The following DAAM1 variants were observed in gnomAD, a reference collection of about 807,000 sequenced individuals.
DAAM1 encodes the protein disheveled-associated activator of morphogenesis 1.
In DAAM1, 52 loss-of-function variants were observed where a neutral mutation model predicts 130.0. That is an observed-to-expected ratio of 0.40 (90% CI 0.32 to 0.50). The LOEUF (loss-of-function observed/expected upper bound fraction) is 0.50. Ranked by LOEUF, DAAM1 falls within the 20% of genes least tolerant of loss-of-function variation. The probability of loss-of-function intolerance (pLI) is 0.61; values close to 1 mark genes in which losing one functional copy is unlikely to be tolerated. For synonymous variants in DAAM1, 452 were observed against 444.5 expected, an observed-to-expected ratio of 1.02 and a Z score of -0.21; for missense variants, 1,134 against 1,303.8, an observed-to-expected ratio of 0.87 and a Z score of 2.01.
At chr14:59,204,541 A>G (rs1429903605) in intron 1 of DAAM1, among the ~76,000 whole-genome samples, 1 of 152,238 alleles carries the variant, frequency 6.6e-6, no homozygotes, top group African/African-American at 2.4e-5. Flanking sequence ...TCTTTTGACC[A>G]TATAATGAAA....
chr14:59,277,851 CTGT>C lies in DAAM1; in HGVS notation c.184-13364_184-13362del, dbSNP rs1311119884. Among the ~76,000 whole-genome samples the C allele has an allele frequency of 3.9e-5, 6 of 152,246 alleles. No homozygotes were observed. The East Asian group carries it at 9.6e-4, about 24-fold the overall frequency. On this transcript the variant is annotated intron_variant, in intron 2 of 24. Transcript: ENST00000360909. ...TTTGTAATCATAGTGAAAAACCTGG[CTGT>C]TAACTCACAGATGATCTGGTACAGT...
chr14:59,229,574 G>A (rs1266217929), intron 1 of DAAM1, among the ~76,000 whole-genome samples: 6 of 152,160 alleles, frequency 3.9e-5, no homozygotes, highest in Non-Finnish European at 8.8e-5. Flanking sequence ...CTGGCCCTTT[G>A]TGTATTTATT....
intron 1 of DAAM1, among the ~76,000 whole-genome samples, chr14:59,230,140 C>T (rs985194742): frequency 3.3e-5 from 5 of 152,104 alleles, no homozygotes; most frequent in African/African-American, 1.2e-4. Context: ...CAGCAGGTAC[C>T]TGGGTGTGCC....
intron 2 of DAAM1, chr14:59,265,880 C>T (rs906280908): frequency 6.6e-6 from 1 of 152,260 alleles, no homozygotes; most frequent in South Asian, 2.1e-4. Context: ...ACAGGTGTCA[C>T]TTGTGCCCAC....
chr14:59,229,301 G>A (rs1889033777), intron 1 of DAAM1, among the ~76,000 whole-genome samples: 1 of 152,154 alleles, frequency 6.6e-6, no homozygotes, highest in Non-Finnish European at 1.5e-5. Context: ...TTTGATTTTT[G>A]TGAGTTGTTA....
chr14:59,206,478 T>C (rs1331881928), intron 1 of DAAM1, among the ~76,000 whole-genome samples: 2 of 152,274 alleles, frequency 1.3e-5, no homozygotes, highest in East Asian at 3.9e-4. Context: ...GGTTTTACCG[T>C]GTTAGCCAGG....
intron 1 of DAAM1, among the ~76,000 whole-genome samples, chr14:59,195,327 T>C (rs897658455): frequency 1.3e-5 from 2 of 152,052 alleles, no homozygotes; most frequent in Non-Finnish European, 2.9e-5. Flanking sequence ...GTATTTTTAG[T>C]AGAGATGGGG....
chr14:59,284,562 C>G (rs1284685918), intron 2 of DAAM1, among the ~76,000 whole-genome samples: 1 of 151,938 alleles, frequency 6.6e-6, no homozygotes, highest in African/African-American at 2.4e-5. Context: ...AAACCCAATC[C>G]AAGGAAAACA....
At chr14:59,313,625 C>T (rs1271588591) in intron 3 of DAAM1, among the ~76,000 whole-genome samples, 2 of 152,134 alleles carry the variant, frequency 1.3e-5, no homozygotes, top group Non-Finnish European at 2.9e-5. Flanking sequence ...AGAGATCTGG[C>T]ACCTTCTGCT....
At chr14:59,226,374 A>AAC (rs368376707) in intron 1 of DAAM1, among the ~76,000 whole-genome samples, 13 of 151,674 alleles carry the variant, frequency 8.6e-5, no homozygotes, top group South Asian at 4.2e-4. Flanking sequence ...ATTTAAGACA[A>AAC]ACACACACAC....
chr14:59,236,152 T>C (rs981355233), intron 1 of DAAM1, among the ~76,000 whole-genome samples: 1 of 152,122 alleles, frequency 6.6e-6, no homozygotes, highest in Admixed American at 6.6e-5. Flanking sequence ...TAGTATGAAG[T>C]GTCATTAATA....
chr14:59,280,985 C>G (rs1883190540), intron 2 of DAAM1, among the ~76,000 whole-genome samples: 1 of 152,164 alleles, frequency 6.6e-6, no homozygotes, highest in Admixed American at 6.6e-5. Context: ...ATTAGCCCTT[C>G]AGAATGCAAA....
chr14:59,225,343 A>T (rs1171024044), intron 1 of DAAM1, among the ~76,000 whole-genome samples: 5 of 152,158 alleles, frequency 3.3e-5, no homozygotes, highest in African/African-American at 1.2e-4. Context: ...TGTGTTTTTA[A>T]AAAGTTACCC....
chr14:59,276,360 T>A (rs911566918), intron 2 of DAAM1, among the ~76,000 whole-genome samples: 8 of 152,240 alleles, frequency 5.3e-5, no homozygotes, highest in African/African-American at 1.9e-4. Context: ...GATGTTGTAC[T>A]TATTATCACC....
At chr14:59,363,986 C>T (rs1185768699) in intron 23 of DAAM1, among the ~76,000 whole-genome samples, 1 of 152,162 alleles carries the variant, frequency 6.6e-6, no homozygotes, top group Non-Finnish European at 1.5e-5. Flanking sequence ...TGTGATTAAT[C>T]TGAACACACC....
chr14:59,348,615 A>G (rs1330216135), intron 17 of DAAM1, among the ~76,000 whole-genome samples: 1 of 152,218 alleles, frequency 6.6e-6, no homozygotes, highest in Non-Finnish European at 1.5e-5. Flanking sequence ...ACAAGCAACT[A>G]TGATTCTAGA....
At chr14:59,353,635 C>G (rs546058702) in intron 18 of DAAM1, among the ~76,000 whole-genome samples, 2 of 152,108 alleles carry the variant, frequency 1.3e-5, no homozygotes, top group East Asian at 3.9e-4. Context: ...CCTTGATGGG[C>G]GCTAAGGACT....
At chr14:59,279,808 G>A (rs904718615) in intron 2 of DAAM1, among the ~76,000 whole-genome samples, 4 of 152,140 alleles carry the variant, frequency 2.6e-5, no homozygotes, top group African/African-American at 9.7e-5. Flanking sequence ...CAAGCCACAG[G>A]CTAGGAGAAA....
intron 2 of DAAM1, among the ~76,000 whole-genome samples, chr14:59,270,740 A>G (rs1032592623): frequency 6.6e-6 from 1 of 152,192 alleles, no homozygotes; most frequent in East Asian, 1.9e-4. Context: ...GCATACCCCA[A>G]GAATAAGGGT....
Sources: allele counts gnomAD v4.1 joint callset (sites outside exome capture counted in the v4.1 genomes callset), GRCh38; gene constraint gnomAD v4.1.1; transcripts MANE v1.5; gene names NCBI Gene and HGNC (gene_info 2026-07-23, HGNC 2026-07-21).